The following PVT1 variants were observed in gnomAD, a reference collection of about 807,000 sequenced individuals.
The protein encoded by PVT1 is CXCR4/PVT1 fusion.
intron 5 of PVT1, among the ~76,000 whole-genome samples, chr8:128,083,601 G>A (rs1237794409): frequency 6.6e-6 from 1 of 152,214 alleles, no homozygotes; most frequent in Non-Finnish European, 1.5e-5. Context: ...AATGGGCTTG[G>A]GTCTCTCCTG....
chr8:127,937,548 G>GACACACACACACACACACACAC (rs35147410), intron 3 of PVT1, among the ~76,000 whole-genome samples: 76 of 122,688 alleles, frequency 6.2e-4, no homozygotes, highest in African/African-American at 2.4e-3. Context: ...TAGGGAAAAA[G>GACACACACACACACACACACAC]ACACACACAC....
intron 4 of PVT1, among the ~76,000 whole-genome samples, chr8:127,995,081 C>T (rs1237134947): frequency 1.3e-5 from 2 of 152,216 alleles, no homozygotes; most frequent in African/African-American, 2.4e-5. Context: ...ATCCCAATAC[C>T]TGTATTTACT....
At chr8:127,874,903 GGTGTGTGTGTGTGT>G (rs112419227) in intron 2 of PVT1, among the ~76,000 whole-genome samples, 1 of 145,704 alleles carries the variant, frequency 6.9e-6, no homozygotes, top group Admixed American at 6.8e-5. Context: ...TTGGCCTCCA[GGTGTGTGTGTGTGT>G]GTGTGTGTGT....
At chr8:127,933,179 G>A (rs1044293990) in intron 3 of PVT1, among the ~76,000 whole-genome samples, 5 of 152,070 alleles carry the variant, frequency 3.3e-5, no homozygotes, top group East Asian at 1.9e-4. Context: ...GGGTTCAAGC[G>A]ATTCTCCTGC....
chr8:127,962,618 TTTTGTTGACGA>T (rs1468814895), intron 3 of PVT1, among the ~76,000 whole-genome samples: 1 of 152,080 alleles, frequency 6.6e-6, no homozygotes, highest in Non-Finnish European at 1.5e-5. Context: ...TTTTATTTTT[TTTTGTTGACGA>T]TTTGTTGACG....
chr8:127,997,148 G>A (rs981505989), intron 4 of PVT1, among the ~76,000 whole-genome samples: 3 of 144,678 alleles, frequency 2.1e-5, no homozygotes, highest in Non-Finnish European at 3.0e-5. Flanking sequence ...TCTGCCTCCC[G>A]GGGTCAAGCG....
rs558704098 is a variant in PVT1 at position 127,860,810 on chromosome 8, G to A, written n.373-29779G>A. On this transcript the variant is annotated intron_variant and non_coding_transcript_variant, in intron 2 of 10. Transcript: ENST00000651587. ...GGAGAAGACAAGGCGACAACTGTGAGCTTTCTGTCTCCTGTGGAGTTTAGC... is the reference window on the plus strand; with the variant it reads ...GGAGAAGACAAGGCGACAACTGTGAACTTTCTGTCTCCTGTGGAGTTTAGC... Among the ~76,000 whole-genome samples the A allele has an allele frequency of 8.6e-3, 1,278 of 148,838 alleles. 22 individuals are homozygous for A. Among genetic ancestry groups the A allele is most frequent in the African/African-American group, 0.03 (1,234 of 40,904 alleles).
At chr8:128,024,872 CATTT>C (rs1393920442) in intron 4 of PVT1, among the ~76,000 whole-genome samples, 1 of 152,186 alleles carries the variant, frequency 6.6e-6, no homozygotes, top group Admixed American at 6.5e-5. Context: ...TTCATTCATT[CATTT>C]ATTTTTATAG....
chr8:127,948,360 T>C lies in PVT1; in HGVS notation n.783-40802T>C, dbSNP rs1816452365. 1.7e-5 allele frequency: 3 copies of C among 173,984 alleles called. No individual in the cohort carries two copies. The South Asian group carries it at 4.2e-4, about 24-fold the overall frequency. 10.8% of individuals were successfully genotyped at this position (173,984 alleles called of 1,614,324 possible). A position where few individuals can be genotyped will look rare whatever the true frequency, so the allele number is the denominator to read the frequency against. ...CTGGTTTCTCAGGGGAGAAAATTCA[T>C]AGATCCATCTCCTAGCTGTCATCCA... On this transcript the variant is annotated intron_variant and non_coding_transcript_variant, in intron 3 of 10. Coordinates refer to ENST00000651587, the Ensembl canonical transcript of PVT1.
At chr8:127,804,165 A>G (rs1814500581) in intron 2 of PVT1, among the ~76,000 whole-genome samples, 1 of 152,160 alleles carries the variant, frequency 6.6e-6, no homozygotes, top group African/African-American at 2.4e-5. Context: ...GCAGTGAGTT[A>G]TGATTACACC....
intron 3 of PVT1, among the ~76,000 whole-genome samples, chr8:127,982,070 G>A (rs540488582): frequency 7.2e-5 from 11 of 152,296 alleles, no homozygotes; most frequent in African/African-American, 1.9e-4. Context: ...GGTCTTGGGC[G>A]CCTTTTGTGA....
At chr8:127,858,802 A>ATTTTTTTTT (rs1442302514) in intron 2 of PVT1, among the ~76,000 whole-genome samples, 14 of 38,306 alleles carry the variant, frequency 3.7e-4, no homozygotes, top group African/African-American at 6.2e-4. Context: ...ACACTTGAAG[A>ATTTTTTTTT]TTCTTTTTTT....
intron 2 of PVT1, among the ~76,000 whole-genome samples, chr8:127,871,322 A>G (rs554893357): frequency 7.9e-5 from 12 of 152,346 alleles, no homozygotes; most frequent in African/African-American, 2.9e-4. Flanking sequence ...GGGGATGGCA[A>G]ATCTCAGAAT....
intron 3 of PVT1, among the ~76,000 whole-genome samples, chr8:127,944,493 T>G (rs2129913470): frequency 6.6e-6 from 1 of 152,012 alleles, no homozygotes; most frequent in Admixed American, 6.6e-5. Context: ...GCTGTTGTGC[T>G]ACTGGCTGTG....
intron 3 of PVT1, among the ~76,000 whole-genome samples, chr8:127,961,436 A>G (rs1023444311): frequency 5.3e-5 from 8 of 152,192 alleles, no homozygotes; most frequent in African/African-American, 1.7e-4. Context: ...AGCTTAGGCC[A>G]CTGAATAGAT....
At chr8:127,843,993 T>A (rs549208452) in intron 2 of PVT1, among the ~76,000 whole-genome samples, 21 of 152,010 alleles carry the variant, frequency 1.4e-4, no homozygotes, top group South Asian at 2.1e-4. Context: ...TATTATTATT[T>A]TTTTTTTGAG....
At chr8:128,025,802 C>T (rs995648081) in intron 4 of PVT1, among the ~76,000 whole-genome samples, 2 of 152,118 alleles carry the variant, frequency 1.3e-5, no homozygotes, top group African/African-American at 2.4e-5. Context: ...TCTCCCAAAC[C>T]CTGTGAATGG....
At chr8:127,807,574 A>T (rs1283972443) in intron 2 of PVT1, among the ~76,000 whole-genome samples, 1 of 152,094 alleles carries the variant, frequency 6.6e-6, no homozygotes, top group East Asian at 1.9e-4. Context: ...CCTCCTGCCC[A>T]GTTCTCCCAA....
chr8:128,034,733 G>A (rs1330574807), intron 4 of PVT1, among the ~76,000 whole-genome samples: 3 of 152,206 alleles, frequency 2.0e-5, no homozygotes, highest in Admixed American at 6.5e-5. Flanking sequence ...GACAAGACCT[G>A]TGTCTCCATA....
Sources: gnomAD v4.1 joint callset for allele counts (sites outside exome capture counted in the v4.1 genomes callset) on GRCh38, gnomAD v4.1.1 for gene constraint, MANE v1.5 for transcripts, NCBI Gene and HGNC (gene_info 2026-07-23, HGNC 2026-07-21) for gene names.